GOLGA5: variants seen among roughly 807,000 people sequenced by gnomAD.
GOLGA5 encodes the protein golgin subfamily A member 5.
Under a neutral mutation model 93.5 loss-of-function variants are expected in GOLGA5, and 50 were observed. That is an observed-to-expected ratio of 0.53 (90% confidence interval 0.43 to 0.68). The LOEUF is 0.68. GOLGA5 is among the 30% of genes least tolerant of loss of function. The probability of loss-of-function intolerance (pLI) is 0.00; values close to 1 mark genes in which losing one functional copy is unlikely to be tolerated. For missense variants in GOLGA5, 760 were observed against 856.4 expected (o/e 0.89, Z 1.40); for synonymous variants, 312 against 304.5 (o/e 1.02, Z -0.26).
In GOLGA5 at chr14:92,807,569, C is replaced by T. The variant is rs77082066; in HGVS notation, c.772+606C>T. The stretch of plus-strand genomic sequence containing the variant: ...TAGTAGTCTAGTTCATTCATTTATT[C>T]TGAACTTTCAAGGGAAGCTGTTCCA... On this transcript the variant is annotated intron_variant, in intron 3 of 12. Coordinates refer to ENST00000163416, the MANE Select transcript of GOLGA5 (RefSeq NM_005113.4). Among the ~76,000 whole-genome samples the T allele has an allele frequency of 6.1e-3, 926 of 152,224 alleles. 6 individuals carry two copies. Among genetic ancestry groups the T allele is most frequent in the African/African-American group, 0.021 (871 of 41,524 alleles).
At chr14:92,813,404 G>C (rs927294) in intron 6 of GOLGA5, among the ~76,000 whole-genome samples, 1 of 152,006 alleles carries the variant, frequency 6.6e-6, no homozygotes, top group Non-Finnish European at 1.5e-5. Flanking sequence ...CTTAAAACTT[G>C]CCTGAGGCTG....
At chr14:92,823,296 C>G (rs1885351755) in intron 8 of GOLGA5, among the ~76,000 whole-genome samples, 1 of 152,086 alleles carries the variant, frequency 6.6e-6, no homozygotes, top group South Asian at 2.1e-4. Flanking sequence ...TTGTTCTCTT[C>G]CATTAGTCAC....
intron 2 of GOLGA5, among the ~76,000 whole-genome samples, chr14:92,801,516 T>C (rs1009252469): frequency 1.3e-5 from 2 of 152,288 alleles, no homozygotes. Context: ...AGACATTCTT[T>C]ATATATTCTA....
intron 2 of GOLGA5, among the ~76,000 whole-genome samples, chr14:92,801,855 T>C (rs969449969): frequency 4.6e-5 from 7 of 152,324 alleles, no homozygotes; most frequent in East Asian, 1.9e-4. Context: ...CATTAGTGTG[T>C]TTCTGGCCAC....
chr14:92,823,772 T>C (rs990453947), intron 8 of GOLGA5, among the ~76,000 whole-genome samples: 2 of 152,120 alleles, frequency 1.3e-5, no homozygotes, highest in Non-Finnish European at 2.9e-5. Flanking sequence ...ACATAGTTTT[T>C]TTTAAAAAAA....
In GOLGA5 at chr14:92,809,229, A is replaced by G. The variant is rs1405708200; in HGVS notation, c.773-71A>G. On this transcript the variant is annotated intron_variant, in intron 3 of 12. Transcript: ENST00000163416. ...GGAAAGTACTAAAGGCACTCAAAGTAGAAACTGTACGTGCTCTGAGAAAAA... is the reference window on the plus strand; with the variant it reads ...GGAAAGTACTAAAGGCACTCAAAGTGGAAACTGTACGTGCTCTGAGAAAAA... 8.0e-6 allele frequency: 8 copies of G among 1,004,114 alleles called. No homozygotes were observed. The African/African-American group carries it at 8.2e-5, about 10-fold the overall frequency. 62.2% of individuals were successfully genotyped at this position (1,004,114 alleles called of 1,614,324 possible).
At position 92,811,830 on chromosome 14, in the gene GOLGA5, C is replaced by G. The variant is rs144548421; in HGVS notation, c.1320+76C>G. Reference sequence around the variant, plus strand: ...AAGGCAATTTGAGACTGTGTAGATACTGTGTGAGGTGCTTTGTTCATGTTC... The same window carrying G: ...AAGGCAATTTGAGACTGTGTAGATAGTGTGTGAGGTGCTTTGTTCATGTTC... On this transcript the variant is annotated intron_variant, in intron 6 of 12. Coordinates refer to ENST00000163416, the MANE Select transcript of GOLGA5 (RefSeq NM_005113.4). The G allele has an allele frequency of 1.1e-4, 116 of 1,017,950 alleles. 2 individuals are homozygous for G. The East Asian group carries it at 2.8e-3, about 25-fold the overall frequency. The allele number at this position is 1,017,950 out of a possible 1,614,324, so 63.1% of individuals were successfully genotyped here.
At chr14:92,814,383 G>A (rs1885162023) in intron 6 of GOLGA5, among the ~76,000 whole-genome samples, 1 of 151,966 alleles carries the variant, frequency 6.6e-6, no homozygotes. Context: ...CACAGCACGC[G>A]GCTCTGATGT....
At chr14:92,813,268 G>A (rs1008539299) in intron 6 of GOLGA5, among the ~76,000 whole-genome samples, 2 of 152,162 alleles carry the variant, frequency 1.3e-5, no homozygotes. Context: ...ACTAGGCACA[G>A]AGGATACAAA....
chr14:92,799,443 A>ATTTTTTTT (rs386382181), intron 2 of GOLGA5, among the ~76,000 whole-genome samples: 1 of 131,270 alleles, frequency 7.6e-6, no homozygotes. Context: ...CGCCTGGCTA[A>ATTTTTTTT]TTTTTTTTTT....
intron 12 of GOLGA5, 62 bp from the exon 13 acceptor site, chr14:92,839,304 A>T (rs1885711017): frequency 2.0e-6 from 2 of 992,478 alleles, no homozygotes; most frequent in Non-Finnish European, 3.2e-6. Context: ...CTCAGTGTAC[A>T]GTGGGCCTTT....
chr14:92,800,571 A>C (rs1186201682), intron 2 of GOLGA5, among the ~76,000 whole-genome samples: 1 of 152,236 alleles, frequency 6.6e-6, no homozygotes, highest in African/African-American at 2.4e-5. Flanking sequence ...ATCATTGTTA[A>C]AGATTGATTC....
intron 2 of GOLGA5, among the ~76,000 whole-genome samples, chr14:92,806,455 GGT>G (rs1210371376): frequency 1.3e-5 from 2 of 152,112 alleles, no homozygotes; most frequent in African/African-American, 4.8e-5. Flanking sequence ...TGGCACTACA[GGT>G]GTGTGCCACC....
intron 6 of GOLGA5, among the ~76,000 whole-genome samples, chr14:92,813,944 A>G (rs938506955): frequency 6.6e-6 from 1 of 152,024 alleles, no homozygotes; most frequent in Non-Finnish European, 1.5e-5. Flanking sequence ...AGGATGGGGG[A>G]AAAAGGCAAA....
chr14:92,833,214 G>C lies in GOLGA5; in HGVS notation c.1812G>C (p.Met604Ile), dbSNP rs757190774. 1 of 1,613,434 alleles carries C rather than the reference G, an allele frequency of 6.2e-7. No homozygotes were observed. ...LTETLIQKQT[M>I]LESLSTEKNS... is the part of the protein sequence containing the mutation. The stretch of plus-strand genomic sequence containing the variant: ...AGACTCTCATCCAGAAACAGACCAT[G>C]CTGGAGAGTCTCAGCACAGAAAAGA... Residue 604 changes from methionine (M) to isoleucine (I), a missense_variant, in exon 10 of 13, where the codon ATG becomes ATC. Physicochemically the swap from Met to Ile is conservative, Grantham distance 10. Transcript: ENST00000163416.
chr14:92,812,888 C>G lies in GOLGA5; in HGVS notation c.1320+1134C>G, dbSNP rs183398110. Among the ~76,000 whole-genome samples the G allele has an allele frequency of 8.3e-4, 127 of 152,268 alleles. 1 individual carries two copies. Among genetic ancestry groups the G allele is most frequent in the Non-Finnish European group, 1.9e-4 (13 of 68,036 alleles). On this transcript the variant is annotated intron_variant, in intron 6 of 12. Coordinates refer to ENST00000163416, the MANE Select transcript of GOLGA5 (RefSeq NM_005113.4). ...CTTACCTTGCACTGCTGTATGCTGC[C>G]TCTGCTTCTAATAGCCGCCTGCATA...
At chr14:92,800,004 T>G (rs975615642) in intron 2 of GOLGA5, among the ~76,000 whole-genome samples, 2 of 152,236 alleles carry the variant, frequency 1.3e-5, no homozygotes, top group African/African-American at 4.8e-5. Flanking sequence ...ATAAAATCTT[T>G]CTTGTATTTT....
rs766092922 is a variant in GOLGA5, at chr14:92,819,861, C to T, written c.1620+25C>T. 11 of 1,609,766 alleles carry T rather than the reference C, an allele frequency of 6.8e-6. No individual in the cohort carries two copies. The African/African-American group carries it at 1.5e-4, about 22-fold the overall frequency. The stretch of plus-strand genomic sequence containing the variant: ...GGTCAGGATTTGAGATTGATGACTT[C>T]TGAGACTCTGTCCTCTAGCGGTCAT... On this transcript the variant is annotated intron_variant, in intron 8 of 12. Coordinates refer to ENST00000163416, the MANE Select transcript of GOLGA5 (RefSeq NM_005113.4).
chr14:92,838,470 C>T (rs1019627410), intron 12 of GOLGA5, among the ~76,000 whole-genome samples: 33 of 151,994 alleles, frequency 2.2e-4, no homozygotes, highest in Non-Finnish European at 2.9e-5. Flanking sequence ...CAGGTTCAAG[C>T]GATTCTCCTG....
Sources: gnomAD v4.1 joint callset for allele counts (sites outside exome capture counted in the v4.1 genomes callset) on GRCh38, gnomAD v4.1.1 for gene constraint, MANE v1.5 for transcripts, NCBI Gene and HGNC (gene_info 2026-07-23, HGNC 2026-07-21) for gene names.